MROH9: variants seen among roughly 807,000 people sequenced by gnomAD.
The protein encoded by MROH9 is maestro heat like repeat family member 9, also known as maestro heat-like repeat-containing protein family member 9.
Under a neutral mutation model 98.2 loss-of-function variants are expected in MROH9, and 92 were observed. The ratio of observed to expected loss-of-function variants is 0.94; its 90% CI spans 0.79 to 1.11. MROH9 has a LOEUF of 1.11. MROH9 is among the 50% of genes most tolerant of loss of function. MROH9 has a pLI of 0.00. For missense variants in MROH9, 1,057 were observed against 1,014.8 expected (o/e 1.04, Z -0.57); for synonymous variants, 397 against 368.9 (o/e 1.08, Z -0.87).
chr1:170,947,432 G>C, intron 2 of MROH9, 95 bp from the exon 3 acceptor site: 1 of 990,356 alleles, frequency 1.0e-6, no homozygotes, highest in South Asian at 1.4e-5. Context: ...TTGACATCAA[G>C]GTCATAGTAG....
chr1:170,949,815 C>CA, intron 3 of MROH9, among the ~76,000 whole-genome samples: 1 of 151,898 alleles, frequency 6.6e-6, no homozygotes, highest in Non-Finnish European at 1.5e-5. Context: ...ATGGATGGAC[C>CA]AAAAAGGAAA....
intron 8 of MROH9, among the ~76,000 whole-genome samples, chr1:170,974,282 G>A (rs1005676890): frequency 6.6e-6 from 1 of 152,054 alleles, no homozygotes; most frequent in East Asian, 1.9e-4. Flanking sequence ...ATTTTCAAAT[G>A]TAATAAAAGC....
chr1:170,982,908 A>G (rs1052702250), intron 8 of MROH9, among the ~76,000 whole-genome samples: 2 of 152,178 alleles, frequency 1.3e-5, no homozygotes, highest in Admixed American at 6.5e-5. Flanking sequence ...AAAGACAAAA[A>G]ACAAAAACAA....
rs754778254 is a variant in MROH9, at chr1:170,959,525, G to T, written c.216G>T (p.Met72Ile). Residue 72 changes from methionine (M) to isoleucine (I), a missense_variant, in exon 5 of 22, where the codon ATG (methionine) becomes ATT (isoleucine). Transcript: ENST00000367759. ...AGATAATAGAGTCATCCTTTGGAATGCTAGTTGTCATGCCAAGTCTTGACA... is the reference window on the plus strand; with the variant it reads ...AGATAATAGAGTCATCCTTTGGAATTCTAGTTGTCATGCCAAGTCTTGACA... Reference protein sequence around the residue: ...QLKIIESSFGMLVVMPSLDKV... With the variant: ...QLKIIESSFGILVVMPSLDKV... The T allele has an allele frequency of 6.2e-7, 1 of 1,613,704 alleles. No homozygotes were observed. Among genetic ancestry groups the T allele is most frequent in the East Asian group, 2.2e-5 (1 of 44,860 alleles).
At chr1:170,993,293 C>A (rs1651429186) in intron 12 of MROH9, among the ~76,000 whole-genome samples, 1 of 152,110 alleles carries the variant, frequency 6.6e-6, no homozygotes, top group Non-Finnish European at 1.5e-5. Context: ...ATTAGCTAGG[C>A]AATATGGCAA....
Position 171,023,192 on chromosome 1 carries a change from C to T in MROH9, c.1909-1203C>T, listed in dbSNP as rs1423447908. Among the ~76,000 whole-genome samples, 3 of 152,168 alleles carry T rather than the reference C, an allele frequency of 2.0e-5. No homozygotes were observed. The East Asian group carries it at 5.8e-4, about 29-fold the overall frequency. On this transcript the variant is annotated intron_variant, in intron 17 of 21. Coordinates refer to ENST00000367759, the MANE Select transcript of MROH9 (RefSeq NM_001163629.2). ...CTATGATCCTGCCCCTGCACTCTAG[C>T]CTGGGCAACAGAGTGAGACCCTGTC...
chr1:171,063,586 T>C (rs1289001392), intron 21 of MROH9, among the ~76,000 whole-genome samples: 1 of 152,190 alleles, frequency 6.6e-6, no homozygotes, highest in Non-Finnish European at 1.5e-5. Flanking sequence ...AAAGCTATTA[T>C]ATATTTTTTT....
chr1:170,969,403 C>G (rs929358604), intron 7 of MROH9, among the ~76,000 whole-genome samples: 6 of 152,088 alleles, frequency 3.9e-5, no homozygotes, highest in Non-Finnish European at 7.4e-5. Flanking sequence ...TTCTGTTATT[C>G]TGTTCTATGA....
intron 14 of MROH9, 95 bp downstream of exon 14, chr1:170,996,739 T>C: frequency 8.5e-7 from 1 of 1,175,378 alleles, no homozygotes. Flanking sequence ...TAGGCATCTA[T>C]TCCAATTTCC....
chr1:171,019,473 G>A (rs892547132), intron 17 of MROH9, among the ~76,000 whole-genome samples: 2 of 152,026 alleles, frequency 1.3e-5, no homozygotes, highest in African/African-American at 4.8e-5. Flanking sequence ...CCAAGATGGT[G>A]AAACCCCATC....
At chr1:170,991,581 G>A (rs1253416942) in intron 11 of MROH9, among the ~76,000 whole-genome samples, 4 of 152,154 alleles carry the variant, frequency 2.6e-5, no homozygotes, top group South Asian at 2.1e-4. Flanking sequence ...GAAGAGTGTC[G>A]AGTATATAGG....
chr1:170,981,927 A>T (rs1285328304), intron 8 of MROH9, among the ~76,000 whole-genome samples: 2 of 152,188 alleles, frequency 1.3e-5, no homozygotes, highest in Non-Finnish European at 2.9e-5. Flanking sequence ...GTCTAAAATT[A>T]AAAAGACTGA....
intron 20 of MROH9, among the ~76,000 whole-genome samples, chr1:171,037,522 G>C (rs1046732412): frequency 6.6e-6 from 1 of 151,936 alleles, no homozygotes; most frequent in Non-Finnish European, 1.5e-5. Context: ...TTTTAAAAGT[G>C]TCAATTTTTT....
intron 9 of MROH9, 23 bp downstream of exon 9, chr1:170,983,557 C>A: frequency 2.1e-6 from 3 of 1,401,870 alleles, no homozygotes; most frequent in East Asian, 2.3e-5. Context: ...CCACTTTTTC[C>A]GAGGGCTTTT....
intron 8 of MROH9, among the ~76,000 whole-genome samples, chr1:170,981,723 C>T (rs72637245): frequency 0.28 from 41,412 of 148,646 alleles, 6,258 homozygotes; most frequent in Middle Eastern, 0.44. Context: ...TATCCCCTTC[C>T]GCTTTTTTTT....
intron 15 of MROH9, among the ~76,000 whole-genome samples, chr1:171,011,756 G>A (rs1157580324): frequency 1.3e-5 from 2 of 152,050 alleles, no homozygotes; most frequent in Non-Finnish European, 2.9e-5. Flanking sequence ...TTAAATTTTT[G>A]ATCTAATCCA....
intron 20 of MROH9, among the ~76,000 whole-genome samples, chr1:171,053,762 G>A (rs970533855): frequency 3.2e-4 from 48 of 152,072 alleles, no homozygotes; most frequent in African/African-American, 1.1e-3. Context: ...ATTAGAAAAA[G>A]CTTAAAAGAA....
chr1:171,030,168 A>G (rs1228199243), intron 20 of MROH9, among the ~76,000 whole-genome samples: 5 of 152,030 alleles, frequency 3.3e-5, no homozygotes, highest in African/African-American at 1.2e-4. Context: ...TATTGTATCT[A>G]TTTAATTCTT....
At chr1:171,011,219 C>A (rs1056714050) in intron 15 of MROH9, among the ~76,000 whole-genome samples, 1 of 152,164 alleles carries the variant, frequency 6.6e-6, no homozygotes, top group Non-Finnish European at 1.5e-5. Flanking sequence ...ATCACAATTT[C>A]TGCAAGCCCT....
Sources: gnomAD v4.1 joint callset for allele counts (sites outside exome capture counted in the v4.1 genomes callset) on GRCh38, gnomAD v4.1.1 for gene constraint, MANE v1.5 for transcripts, NCBI Gene and HGNC (gene_info 2026-07-23, HGNC 2026-07-21) for gene names.